CACNA1B: variants seen among roughly 807,000 people sequenced by gnomAD.
CACNA1B encodes voltage-dependent N-type calcium channel subunit alpha-1B.
In CACNA1B, 70 loss-of-function variants were observed where a neutral mutation model predicts 247.2. The observed-to-expected ratio is 0.28, with a 90% CI of 0.23 to 0.35. CACNA1B has a LOEUF of 0.35. Among genes scored for constraint, CACNA1B ranks in the 10% least tolerant of loss-of-function variants. The pLI, the probability that CACNA1B is intolerant of heterozygous loss-of-function variation, is 1.00. For synonymous variants in CACNA1B, 1,231 were observed against 1,294.4 expected (o/e 0.95, Z 1.05); for missense variants, 2,367 against 3,197.4 (o/e 0.74, Z 6.26).
chr9:137,978,523 G>A (rs1402197589), intron 12 of CACNA1B, among the ~76,000 whole-genome samples: 11 of 152,080 alleles, frequency 7.2e-5, no homozygotes, highest in East Asian at 1.9e-4. Context: ...TGGGAGCACT[G>A]CCTCCTCAGG....
At chr9:137,905,849 G>A (rs879919188) in intron 3 of CACNA1B, among the ~76,000 whole-genome samples, 1 of 152,178 alleles carries the variant, frequency 6.6e-6, no homozygotes, top group Non-Finnish European at 1.5e-5. Flanking sequence ...GTCACCTCCC[G>A]ACAAGTGAAT....
chr9:137,979,238 G>T (rs944571499), intron 12 of CACNA1B, among the ~76,000 whole-genome samples: 7 of 152,184 alleles, frequency 4.6e-5, no homozygotes, highest in Non-Finnish European at 8.8e-5. Context: ...GGTCCCCCAT[G>T]AGGCTTCAGC....
intron 37 of CACNA1B, among the ~76,000 whole-genome samples, chr9:138,098,459 A>G (rs999041911): frequency 1.3e-5 from 2 of 152,242 alleles, no homozygotes; most frequent in Non-Finnish European, 2.9e-5. Context: ...ACTGTGTTGC[A>G]GAAAACAGAG....
intron 20 of CACNA1B, among the ~76,000 whole-genome samples, chr9:138,034,094 T>G (rs955702407): frequency 2.0e-5 from 3 of 152,140 alleles, no homozygotes; most frequent in Admixed American, 6.5e-5. Context: ...CTGGGAGAGA[T>G]AGGAGTATCT....
At chr9:138,001,136 A>T (rs1356360145) in intron 15 of CACNA1B, among the ~76,000 whole-genome samples, 1 of 152,264 alleles carries the variant, frequency 6.6e-6, no homozygotes, top group Non-Finnish European at 1.5e-5. Flanking sequence ...AAATACAAAT[A>T]ATACAGGAAA....
intron 6 of CACNA1B, among the ~76,000 whole-genome samples, chr9:137,933,274 A>G (rs750719928): frequency 2.8e-4 from 42 of 152,060 alleles, no homozygotes; most frequent in Non-Finnish European, 5.3e-4. Context: ...GTGGTCTCAA[A>G]TCTCCTGACC....
chr9:138,021,879 G>A (rs902845569), intron 18 of CACNA1B, among the ~76,000 whole-genome samples: 7 of 152,198 alleles, frequency 4.6e-5, no homozygotes, highest in South Asian at 4.1e-4. Flanking sequence ...CACTGCTGCC[G>A]CCAAGGCCAT....
In CACNA1B at chr9:138,102,830, G is replaced by A. The variant is rs201624317; in HGVS notation, c.5319+23G>A. The A allele has an allele frequency of 2.1e-5, 31 of 1,493,122 alleles. No homozygotes were observed. The highest frequency in any genetic ancestry group is 5.5e-5 in the African/African-American group (4 of 72,420). The allele number at this position is 1,493,122 out of a possible 1,614,324, so 92.5% of individuals were successfully genotyped here. A position where few individuals can be genotyped will look rare whatever the true frequency, so the allele number is the denominator to read the frequency against. ...AAGGTAGACCCTGACCCTGCAACCC[G>A]CCCCCCAGGAGGCTGTGTGTGCTTG... On this transcript the variant is annotated intron_variant, in intron 38 of 46. Transcript: ENST00000371372. The surrounding 1 kb of genome is among the most constrained non-coding windows in gnomAD (Gnocchi z 5.4).
intron 6 of CACNA1B, among the ~76,000 whole-genome samples, chr9:137,923,177 G>T (rs532912342): frequency 6.6e-6 from 1 of 151,062 alleles, no homozygotes; most frequent in Non-Finnish European, 1.5e-5. Context: ...GTAGTATTCC[G>T]TGGTGCCAGG....
At position 137,973,469 on chromosome 9, in the gene CACNA1B, C is replaced by A. The variant is rs117070369; in HGVS notation, c.1543+1877C>A. Among the ~76,000 whole-genome samples, 395 of 152,312 alleles carry A rather than the reference C, an allele frequency of 2.6e-3. 4 individuals carry two copies. Among genetic ancestry groups the A allele is most frequent in the Non-Finnish European group, 4.8e-3 (327 of 68,026 alleles). On this transcript the variant is annotated intron_variant, in intron 11 of 46. Coordinates refer to ENST00000371372, the MANE Select transcript of CACNA1B (RefSeq NM_000718.4). This position sits in a 1 kb window ranked among gnomAD's most constrained non-coding sequence, Gnocchi z 4.1. ...CCTGCCCTCAATGCATTGCCAGAACCTTCAAAATTGAGGCTCGAGTGGTTA... is the reference window on the plus strand; with the variant it reads ...CCTGCCCTCAATGCATTGCCAGAACATTCAAAATTGAGGCTCGAGTGGTTA...
chr9:137,939,052 A>G (rs530143477), intron 6 of CACNA1B, among the ~76,000 whole-genome samples: 48 of 152,278 alleles, frequency 3.2e-4, no homozygotes, highest in Non-Finnish European at 6.0e-4. Flanking sequence ...CCTGGGTGAC[A>G]GAGCGAGATT....
intron 34 of CACNA1B, among the ~76,000 whole-genome samples, chr9:138,075,591 A>G (rs894345891): frequency 6.6e-6 from 1 of 152,194 alleles, no homozygotes; most frequent in Non-Finnish European, 1.5e-5. Flanking sequence ...TCGGACTTGC[A>G]TCTGTGGACA....
At chr9:137,939,990 CAATCTAA>C (rs1189862123) in intron 6 of CACNA1B, among the ~76,000 whole-genome samples, 2 of 151,892 alleles carry the variant, frequency 1.3e-5, no homozygotes, top group African/African-American at 4.8e-5. Flanking sequence ...CACAAACAGA[CAATCTAA>C]GGTCACACCT....
At chr9:138,086,084 A>G (rs1319417074) in intron 36 of CACNA1B, among the ~76,000 whole-genome samples, 2 of 151,342 alleles carry the variant, frequency 1.3e-5, no homozygotes, top group Admixed American at 1.3e-4. Flanking sequence ...AAGATATACA[A>G]AACAACCAGA....
chr9:138,108,145 C>T (rs1366313396), intron 39 of CACNA1B, among the ~76,000 whole-genome samples: 2 of 151,256 alleles, frequency 1.3e-5, no homozygotes, highest in South Asian at 2.1e-4. Context: ...GAGACCAGTC[C>T]GGGCAACACA....
chr9:137,959,954 G>C (rs558764025), intron 10 of CACNA1B, among the ~76,000 whole-genome samples: 2 of 152,154 alleles, frequency 1.3e-5, no homozygotes, highest in South Asian at 2.1e-4. Flanking sequence ...GCGTGTGGAG[G>C]GGGGGCGGTG....
At chr9:138,116,893 A>G (rs565990199) in intron 42 of CACNA1B, among the ~76,000 whole-genome samples, 2 of 152,202 alleles carry the variant, frequency 1.3e-5, no homozygotes, top group Admixed American at 6.5e-5. Context: ...ATGGAAGGAG[A>G]GCTGCTTGCA....
rs373541421 is a variant in CACNA1B at position 138,105,755 on chromosome 9, G to A, written c.5376G>A (p.Thr1792=). ...ACGAGGACATGACTGTTCACTTCAC[G>A]TCCACGCTGATGGCCCTCATCCGGA... is the stretch of plus-strand genomic sequence containing the variant. ...ISNEDMTVHF[T]STLMALIRTA... is the part of the protein sequence containing the mutation. Residue 1792 remains threonine, a synonymous_variant, in exon 39 of 47, where the codon ACG becomes ACA. Coordinates refer to ENST00000371372, the MANE Select transcript of CACNA1B (RefSeq NM_000718.4). 7 of 1,568,112 alleles carry A rather than the reference G, an allele frequency of 4.5e-6. No homozygotes were observed. In the South Asian group the frequency reaches 4.7e-5, roughly 11 times the overall value.
At chr9:138,028,386 T>G (rs1363463330) in intron 20 of CACNA1B, among the ~76,000 whole-genome samples, 3 of 152,126 alleles carry the variant, frequency 2.0e-5, no homozygotes, top group Non-Finnish European at 4.4e-5. Flanking sequence ...CCTAACCGAT[T>G]TTGTAAAATA....
Sources: gnomAD v4.1 joint callset for allele counts (sites outside exome capture counted in the v4.1 genomes callset) on GRCh38, gnomAD v4.1.1 for gene constraint, Gnocchi (gnomAD v3.1) non-coding constraint, MANE v1.5 for transcripts, NCBI Gene and HGNC (gene_info 2026-07-23, HGNC 2026-07-21) for gene names.